TRPM3: variants seen among roughly 807,000 people sequenced by gnomAD.
TRPM3 encodes transient receptor potential cation channel subfamily M member 3, also known as long transient receptor potential channel 3.
In TRPM3, 77 loss-of-function variants were observed where a neutral mutation model predicts 181.2. The ratio of observed to expected loss-of-function variants is 0.42; its 90% confidence interval spans 0.35 to 0.51. The LOEUF is 0.51. Among genes scored for constraint, TRPM3 ranks in the 20% least tolerant of loss-of-function variants. The probability of loss-of-function intolerance (pLI) is 0.01; values close to 1 mark genes in which losing one functional copy is unlikely to be tolerated. For missense variants in TRPM3, 1,759 were observed against 2,196.7 expected (o/e 0.80, Z 3.98); for synonymous variants, 745 against 796.4 (o/e 0.94, Z 1.09).
chr9:71,389,314 A>G (rs997438449), intron 1 of TRPM3, among the ~76,000 whole-genome samples: 4 of 139,638 alleles, frequency 2.9e-5, no homozygotes, highest in African/African-American at 5.7e-5. Flanking sequence ...GGCCATAATT[A>G]AAAAAAAAAA....
chr9:71,319,723 A>G (rs957297870), intron 1 of TRPM3, among the ~76,000 whole-genome samples: 2 of 152,092 alleles, frequency 1.3e-5, no homozygotes, highest in Non-Finnish European at 2.9e-5. Context: ...AATTAATATA[A>G]TATTATTCAA....
chr9:70,651,158 T>C (rs2059555177), intron 9 of TRPM3, among the ~76,000 whole-genome samples: 1 of 152,198 alleles, frequency 6.6e-6, no homozygotes, highest in African/African-American at 2.4e-5. Context: ...CATAGCACTT[T>C]AATACTGATC....
intron 8 of TRPM3, among the ~76,000 whole-genome samples, chr9:70,689,687 C>G (rs748755510): frequency 7.9e-5 from 12 of 151,992 alleles, no homozygotes; most frequent in Non-Finnish European, 1.6e-4. Context: ...CACCAATTTA[C>G]CCTAAAGCAT....
intron 1 of TRPM3, among the ~76,000 whole-genome samples, chr9:71,444,048 G>A (rs1168712288): frequency 2.0e-5 from 3 of 151,978 alleles, no homozygotes; most frequent in African/African-American, 4.8e-5. Flanking sequence ...GTGTGGTGGT[G>A]CGTGCCTATA....
chr9:71,316,647 G>A lies in TRPM3; in HGVS notation c.183+130006C>T, dbSNP rs549738811. Among the ~76,000 whole-genome samples the A allele has an allele frequency of 2.6e-5, 4 of 152,210 alleles. No homozygotes were observed. In the East Asian group the frequency reaches 7.7e-4, roughly 29 times the overall value. ...CAAGGAATGAAGGCGACCTCCAGAA[G>A]CTGAAAAAGGTAGAGAAATGGATCC... On this transcript the variant is annotated intron_variant, in intron 1 of 24. Coordinates refer to the TRPM3 transcript ENST00000357533.
intron 8 of TRPM3, among the ~76,000 whole-genome samples, chr9:70,700,691 A>C (rs187166660): frequency 2.6e-5 from 4 of 152,346 alleles, no homozygotes; most frequent in Non-Finnish European, 5.9e-5. Flanking sequence ...TACCAGATGA[A>C]AAAAATAGAA....
At chr9:71,036,612 A>G (rs2058236178) in intron 1 of TRPM3, among the ~76,000 whole-genome samples, 1 of 152,226 alleles carries the variant, frequency 6.6e-6, no homozygotes, top group Admixed American at 6.5e-5. Flanking sequence ...AGGGGAACCC[A>G]TTGTATTTGT....
intron 9 of TRPM3, among the ~76,000 whole-genome samples, chr9:70,681,075 C>T (rs555944193): frequency 6.7e-6 from 1 of 148,816 alleles, no homozygotes; most frequent in South Asian, 2.2e-4. Context: ...TTTTGATTTT[C>T]CATTTTAATA....
intron 6 of TRPM3, among the ~76,000 whole-genome samples, chr9:70,819,151 T>C (rs1287062831): frequency 6.6e-6 from 1 of 152,184 alleles, no homozygotes; most frequent in Non-Finnish European, 1.5e-5. Flanking sequence ...TGTTGGTATC[T>C]GGGCCAGGCG....
At chr9:70,585,304 A>C (rs1197902001) in intron 22 of TRPM3, among the ~76,000 whole-genome samples, 2 of 151,652 alleles carry the variant, frequency 1.3e-5, no homozygotes, top group African/African-American at 4.8e-5. Context: ...ACCGTTGACC[A>C]CTCAGTATTC....
At chr9:70,992,818 T>A (rs1372822475) in intron 1 of TRPM3, among the ~76,000 whole-genome samples, 2 of 152,130 alleles carry the variant, frequency 1.3e-5, no homozygotes, top group African/African-American at 4.8e-5. Flanking sequence ...AAATAAATTT[T>A]AAAAAATCTT....
chr9:71,286,705 C>T (rs1006067864), intron 1 of TRPM3, among the ~76,000 whole-genome samples: 5 of 151,870 alleles, frequency 3.3e-5, no homozygotes, highest in African/African-American at 1.2e-4. Context: ...ATAAAAATCA[C>T]GTATTAAATA....
At chr9:71,241,292 C>T (rs1465407631) in intron 1 of TRPM3, among the ~76,000 whole-genome samples, 2 of 152,070 alleles carry the variant, frequency 1.3e-5, no homozygotes, top group East Asian at 3.9e-4. Flanking sequence ...CTGGCTTATG[C>T]ACTTCGTAGC....
chr9:70,965,242 C>A (rs769866787), intron 1 of TRPM3, among the ~76,000 whole-genome samples: 1 of 152,024 alleles, frequency 6.6e-6, no homozygotes, highest in Non-Finnish European at 1.5e-5. Flanking sequence ...AAGAATAGCA[C>A]TGAACATATT....
chr9:71,437,568 G>A (rs1445460894), intron 1 of TRPM3, among the ~76,000 whole-genome samples: 1 of 152,008 alleles, frequency 6.6e-6, no homozygotes. Context: ...AGACCTTATA[G>A]CCTGCAAAAC....
intron 19 of TRPM3, 71 bp downstream of exon 19, chr9:70,610,538 C>T: frequency 1.3e-6 from 2 of 1,552,920 alleles, no homozygotes; most frequent in South Asian, 2.4e-5. Flanking sequence ...GAAAACCACA[C>T]AGATGCATGA....
intron 1 of TRPM3, among the ~76,000 whole-genome samples, chr9:71,320,366 A>AGAGTC (rs2089098902): frequency 6.6e-6 from 1 of 152,134 alleles, no homozygotes. Context: ...ACACTGAGCA[A>AGAGTC]TCTCATGAAA....
intron 1 of TRPM3, among the ~76,000 whole-genome samples, chr9:70,867,374 G>A (rs2095671202): frequency 6.6e-6 from 1 of 152,100 alleles, no homozygotes; most frequent in South Asian, 2.1e-4. Context: ...AGCACTGGAA[G>A]TTTTAGTCAG....
intron 1 of TRPM3, among the ~76,000 whole-genome samples, chr9:71,423,698 G>A (rs1035809839): frequency 2.0e-5 from 3 of 152,048 alleles, no homozygotes; most frequent in Admixed American, 6.6e-5. Flanking sequence ...ACGTATATAT[G>A]TAGGTATACA....
Sources: gnomAD v4.1 joint callset for allele counts (sites outside exome capture counted in the v4.1 genomes callset) on GRCh38, gnomAD v4.1.1 for gene constraint, MANE v1.5 for transcripts, NCBI Gene and HGNC (gene_info 2026-07-23, HGNC 2026-07-21) for gene names.